LINGO2: variants seen among roughly 807,000 people sequenced by gnomAD.
LINGO2 encodes the protein leucine-rich repeat and immunoglobulin-like domain-containing nogo receptor-interacting protein 2.
A neutral mutation model predicts 30.6 loss-of-function variants in LINGO2; 14 were observed. The observed-to-expected ratio is 0.46, with a 90% confidence interval of 0.30 to 0.72. The LOEUF (loss-of-function observed/expected upper bound fraction) is 0.72, where lower values mean the gene tolerates loss of function less well. Among genes scored for constraint, LINGO2 ranks in the 30% least tolerant of loss-of-function variants. The pLI, the probability that LINGO2 is intolerant of heterozygous loss-of-function variation, is 0.07. For synonymous variants in LINGO2, 317 were observed against 288.5 expected (o/e 1.10, Z -1.00); for missense variants, 729 against 751.7 (o/e 0.97, Z 0.35).
chr9:27,952,360 TAG>T (rs1452574073), intron 5 of LINGO2, among the ~76,000 whole-genome samples: 2 of 151,988 alleles, frequency 1.3e-5, no homozygotes, highest in African/African-American at 2.4e-5. Flanking sequence ...ATGTACTATG[TAG>T]AGAGATTAAA....
At chr9:28,612,430 C>T (rs1277972374) in intron 1 of LINGO2, among the ~76,000 whole-genome samples, 2 of 152,144 alleles carry the variant, frequency 1.3e-5, no homozygotes, top group South Asian at 2.1e-4. Context: ...AACACCAACA[C>T]ATGAAATCAG....
At chr9:28,208,197 A>G (rs894212038) in intron 4 of LINGO2, among the ~76,000 whole-genome samples, 2 of 152,120 alleles carry the variant, frequency 1.3e-5, no homozygotes, top group Non-Finnish European at 2.9e-5. Flanking sequence ...CAATTAAAAG[A>G]GAATTTTATG....
chr9:28,449,130 G>T (rs1190020375), intron 2 of LINGO2, among the ~76,000 whole-genome samples: 1 of 148,300 alleles, frequency 6.7e-6, no homozygotes, highest in Non-Finnish European at 1.5e-5. Context: ...ATAACAAATG[G>T]TTTTCTTGTG....
At chr9:28,310,058 G>A (rs1242607645) in intron 3 of LINGO2, among the ~76,000 whole-genome samples, 1 of 152,144 alleles carries the variant, frequency 6.6e-6, no homozygotes, top group Non-Finnish European at 1.5e-5. Flanking sequence ...GCTGGTAGGA[G>A]TGTAATATGA....
intron 4 of LINGO2, among the ~76,000 whole-genome samples, chr9:28,170,037 A>C (rs1486008076): frequency 6.6e-6 from 1 of 152,198 alleles, no homozygotes; most frequent in African/African-American, 2.4e-5. Flanking sequence ...CCTGAGCCCG[A>C]CAACAATGGA....
At chr9:28,793,556 T>C in the LINGO2 span, among the ~76,000 whole-genome samples, 1 of 152,188 alleles carries the variant, frequency 6.6e-6, no homozygotes, top group South Asian at 2.1e-4. Flanking sequence ...ATTTTAATGG[T>C]AGAGCCTTAT....
chr9:28,848,149 T>C, the LINGO2 span, among the ~76,000 whole-genome samples: 2 of 112,118 alleles, frequency 1.8e-5, no homozygotes, highest in African/African-American at 6.9e-5. Flanking sequence ...ATATATACTA[T>C]ATATACGCAT....
chr9:29,205,154 C>T, the LINGO2 span, among the ~76,000 whole-genome samples: 2 of 152,078 alleles, frequency 1.3e-5, no homozygotes, highest in Non-Finnish European at 2.9e-5. Flanking sequence ...GATTCTCCTG[C>T]CTTAGCTTCC....
At chr9:29,083,016 T>A in the LINGO2 span, among the ~76,000 whole-genome samples, 11 of 152,124 alleles carry the variant, frequency 7.2e-5, no homozygotes, top group African/African-American at 2.7e-4. Flanking sequence ...ATTGTGGAAG[T>A]CAGTGTGGCG....
At chr9:28,988,615 A>G in the LINGO2 span, among the ~76,000 whole-genome samples, 112,284 of 152,094 alleles carry the variant, frequency 0.74, 41,658 homozygotes, top group Admixed American at 0.77. Context: ...ACCCCAGGTG[A>G]TCTAGCCATA....
Position 27,987,787 on chromosome 9 carries a change from A to G in LINGO2, c.-36+24568T>C, listed in dbSNP as rs564091192. 1.4e-4 allele frequency among the ~76,000 whole-genome samples: 21 copies of G among 152,062 alleles called. No homozygotes were observed. In the South Asian group the frequency reaches 4.4e-3, roughly 32 times the overall value. ...TTAAATAAATCAAGTACCCAGATTC[A>G]TTTATGACTCTTTAAATATATATAT... is the stretch of plus-strand genomic sequence containing the variant. On this transcript the variant is annotated intron_variant, in intron 5 of 5. Coordinates refer to ENST00000379992, the Ensembl canonical transcript of LINGO2.
chr9:28,925,220 T>A, the LINGO2 span, among the ~76,000 whole-genome samples: 3 of 152,212 alleles, frequency 2.0e-5, no homozygotes, highest in Admixed American at 6.5e-5. Context: ...AAGTCTTGCC[T>A]TTGTTCTTGG....
At chr9:28,561,008 A>C (rs1261433356) in intron 1 of LINGO2, among the ~76,000 whole-genome samples, 5 of 152,238 alleles carry the variant, frequency 3.3e-5, no homozygotes, top group South Asian at 2.1e-4. Flanking sequence ...AGTTTTGTGT[A>C]AAATACACAA....
At chr9:28,145,553 C>A in intron 4 of LINGO2, among the ~76,000 whole-genome samples, 1 of 152,146 alleles carries the variant, frequency 6.6e-6, no homozygotes, top group Middle Eastern at 3.4e-3. Flanking sequence ...TTCTGAGATG[C>A]GCTTCTGACC....
At chr9:28,471,443 C>T (rs1261249743) in intron 2 of LINGO2, among the ~76,000 whole-genome samples, 1 of 152,190 alleles carries the variant, frequency 6.6e-6, no homozygotes, top group Admixed American at 6.5e-5. Context: ...CAGGATCAAA[C>T]AAGAGTGGCA....
the LINGO2 span, among the ~76,000 whole-genome samples, chr9:28,791,845 A>G: frequency 6.6e-6 from 1 of 151,964 alleles, no homozygotes; most frequent in Non-Finnish European, 1.5e-5. Context: ...TTAAATTCTT[A>G]AAAATTATTT....
chr9:28,760,211 A>C, the LINGO2 span, among the ~76,000 whole-genome samples: 5 of 152,248 alleles, frequency 3.3e-5, no homozygotes, highest in South Asian at 1.0e-3. Flanking sequence ...AATAATTATT[A>C]AAAATGAAAT....
the LINGO2 span, among the ~76,000 whole-genome samples, chr9:28,892,001 GT>G: frequency 6.6e-6 from 1 of 151,766 alleles, no homozygotes; most frequent in African/African-American, 2.4e-5. Flanking sequence ...CCTTATCCCA[GT>G]GTCTGATCTT....
intron 1 of LINGO2, among the ~76,000 whole-genome samples, chr9:28,584,127 G>A (rs905451509): frequency 1.3e-5 from 2 of 151,906 alleles, no homozygotes; most frequent in African/African-American, 4.8e-5. Flanking sequence ...CCCATTTTTG[G>A]TGTTTTGTTA....
Sources: gnomAD v4.1 joint callset for allele counts (sites outside exome capture counted in the v4.1 genomes callset) on GRCh38, gnomAD v4.1.1 for gene constraint, MANE v1.5 for transcripts, NCBI Gene and HGNC (gene_info 2026-07-23, HGNC 2026-07-21) for gene names.